The following POLA1 variants were observed in gnomAD, a reference collection of about 807,000 sequenced individuals.
POLA1 encodes DNA polymerase alpha 1, catalytic subunit.
In POLA1, 15 loss-of-function variants were observed where a neutral mutation model predicts 124.0. The observed-to-expected ratio is 0.12, with a 90% CI of 0.08 to 0.19. POLA1 has a LOEUF of 0.19. Ranked by LOEUF, POLA1 falls within the 10% of genes least tolerant of loss-of-function variation. The probability of loss-of-function intolerance (pLI) is 1.00; values close to 1 mark genes in which losing one functional copy is unlikely to be tolerated. For missense variants in POLA1, 886 were observed against 1,103.4 expected (o/e 0.80, Z 2.79); for synonymous variants, 408 against 389.4 (o/e 1.05, Z -0.56).
chrX:24,956,521 G>A (rs1335116772), intron 36 of POLA1, among the ~76,000 whole-genome samples: 1 of 110,014 alleles, frequency 9.1e-6, no homozygotes, highest in Non-Finnish European at 1.9e-5. Context: ...AGTATTCCCG[G>A]GGTAACAAAG....
intron 35 of POLA1, among the ~76,000 whole-genome samples, chrX:24,899,118 T>C (rs1450985944): frequency 8.9e-6 from 1 of 112,130 alleles, no homozygotes; most frequent in Non-Finnish European, 1.9e-5. Context: ...GGTTTCCTGC[T>C]GCGGACCTTT....
chrX:24,936,824 C>T (rs1004977677), intron 36 of POLA1, among the ~76,000 whole-genome samples: 1 of 112,100 alleles, frequency 8.9e-6, no homozygotes, highest in African/African-American at 3.2e-5. Flanking sequence ...AGCCACCGTG[C>T]CCGGCCTGGT....
chrX:24,757,436 C>CTTTTTTTTTTTTTTTTTTTTTTTT (rs66782103), intron 26 of POLA1, among the ~76,000 whole-genome samples: 10 of 62,138 alleles, frequency 1.6e-4, no homozygotes, highest in African/African-American at 7.4e-4. Context: ...AAATCTGAAA[C>CTTTTTTTTTTTTTTTTTTTTTTTT]TTTTTTTTTT....
intron 36 of POLA1, among the ~76,000 whole-genome samples, chrX:24,993,746 T>A (rs2048563811): frequency 8.9e-6 from 1 of 111,785 alleles, no homozygotes; most frequent in South Asian, 3.8e-4. Context: ...CATATGTTAT[T>A]GATTAAATTC....
chrX:24,839,939 A>G (rs1441201055), intron 32 of POLA1, among the ~76,000 whole-genome samples: 1 of 111,966 alleles, frequency 8.9e-6, no homozygotes. Flanking sequence ...GTCTCTCTCA[A>G]TTCCTCTGAC....
chrX:24,929,581 C>T (rs1238201009), intron 35 of POLA1, among the ~76,000 whole-genome samples: 1 of 112,040 alleles, frequency 8.9e-6, no homozygotes, highest in African/African-American at 3.2e-5. Flanking sequence ...AAGTGTCTAA[C>T]CCCTTGGGAA....
chrX:24,844,046 T>C (rs1373075859), intron 34 of POLA1, among the ~76,000 whole-genome samples: 5 of 111,341 alleles, frequency 4.5e-5, no homozygotes. Context: ...TTGGCTATTG[T>C]CAGCAAGTAG....
At chrX:24,857,054 A>G (rs768484458) in intron 34 of POLA1, among the ~76,000 whole-genome samples, 7 of 111,733 alleles carry the variant, frequency 6.3e-5, no homozygotes, top group Non-Finnish European at 1.3e-4. Flanking sequence ...TCTCATGACT[A>G]AGAACTCAAA....
intron 4 of POLA1, among the ~76,000 whole-genome samples, chrX:24,709,344 AC>A (rs1229389043): frequency 1.5e-5 from 1 of 68,323 alleles, no homozygotes; most frequent in Non-Finnish European, 2.7e-5. Context: ...CGGGGGGCTG[AC>A]CCCCCCACCT....
At chrX:24,989,846 T>C (rs2048515909) in intron 36 of POLA1, among the ~76,000 whole-genome samples, 1 of 111,577 alleles carries the variant, frequency 9.0e-6, no homozygotes, top group South Asian at 3.8e-4. Flanking sequence ...AGACTTAGTT[T>C]CAGGTTGGAA....
intron 36 of POLA1, among the ~76,000 whole-genome samples, chrX:24,991,938 G>T (rs937941937): frequency 8.9e-6 from 1 of 112,141 alleles, no homozygotes; most frequent in African/African-American, 3.2e-5. Flanking sequence ...TGATCACTGT[G>T]TGTGCCTGGC....
intron 35 of POLA1, among the ~76,000 whole-genome samples, chrX:24,923,704 A>C (rs1281062242): frequency 8.9e-6 from 1 of 112,316 alleles, no homozygotes; most frequent in Admixed American, 9.4e-5. Context: ...AATGTTTTGT[A>C]TTAGAACTAA....
At chrX:24,771,435 G>T (rs959502894) in intron 26 of POLA1, among the ~76,000 whole-genome samples, 2 of 111,661 alleles carry the variant, frequency 1.8e-5, no homozygotes, top group Non-Finnish European at 3.8e-5. Flanking sequence ...TACAGTAAAA[G>T]ATGGTGAACC....
chrX:24,985,416 A>G (rs1466202816), intron 36 of POLA1, among the ~76,000 whole-genome samples: 1 of 112,920 alleles, frequency 8.9e-6, no homozygotes, highest in Non-Finnish European at 1.9e-5. Flanking sequence ...AACATAAAAT[A>G]CCAAATATTC....
intron 26 of POLA1, among the ~76,000 whole-genome samples, chrX:24,760,499 CT>C (rs1932776594): frequency 8.9e-6 from 1 of 112,094 alleles, no homozygotes; most frequent in Admixed American, 9.4e-5. Context: ...GAAAAACCTA[CT>C]TTTGGCAGCC....
chrX:24,850,784 A>G (rs1016773792), intron 34 of POLA1, among the ~76,000 whole-genome samples: 5 of 112,060 alleles, frequency 4.5e-5, no homozygotes, highest in Admixed American at 9.4e-5. Context: ...GGAGAACTAT[A>G]TGGGATAATG....
intron 21 of POLA1, 78 bp from the exon 22 acceptor site, chrX:24,741,924 C>T: frequency 1.2e-6 from 1 of 859,447 alleles, no homozygotes; most frequent in East Asian, 3.4e-5. Context: ...GGTGCTGTGA[C>T]TAAACTTACT....
At chrX:24,788,797 T>G in intron 26 of POLA1, 2 of 1,200,935 alleles carry the variant, frequency 1.7e-6, no homozygotes, top group Non-Finnish European at 2.3e-6. Context: ...TATCTGTAGC[T>G]CCACTTCCTG....
intron 36 of POLA1, among the ~76,000 whole-genome samples, chrX:24,989,267 C>T (rs2048510372): frequency 9.0e-6 from 1 of 111,286 alleles, no homozygotes; most frequent in Non-Finnish European, 1.9e-5. Context: ...CCTGTGAGAA[C>T]CAGGTTGGAT....
Sources: gnomAD v4.1 joint callset for allele counts (sites outside exome capture counted in the v4.1 genomes callset) on GRCh38, gnomAD v4.1.1 for gene constraint, MANE v1.5 for transcripts, NCBI Gene and HGNC (gene_info 2026-07-23, HGNC 2026-07-21) for gene names.